Variants in SERBP1 observed in about 807,000 individuals in gnomAD.
SERBP1 encodes SERPINE1 mRNA-binding protein 1.
A neutral mutation model predicts 50.2 loss-of-function variants in SERBP1; 6 were observed. That is an observed-to-expected ratio of 0.12 (90% CI 0.07 to 0.24). The LOEUF (loss-of-function observed/expected upper bound fraction) is 0.24, where lower values mean the gene tolerates loss of function less well. SERBP1 is among the 10% of genes least tolerant of loss of function. The pLI, the probability that SERBP1 is intolerant of heterozygous loss-of-function variation, is 1.00. For synonymous variants in SERBP1, 168 were observed against 182.8 expected, an observed-to-expected ratio of 0.92 and a Z score of 0.65; for missense variants, 346 against 524.9, an observed-to-expected ratio of 0.66 and a Z score of 3.33.
rs1365104058 is a variant in SERBP1, at chr1:67,412,879, C to A, written c.*328G>T. 3 of 293,414 alleles carry A rather than the reference C, an allele frequency of 1.0e-5. No homozygotes were observed. The highest frequency in any genetic ancestry group is 4.5e-5 in the African/African-American group (2 of 44,350). 18.2% of individuals were successfully genotyped at this position (293,414 alleles called of 1,614,324 possible). On this transcript the variant is annotated 3_prime_UTR_variant, in exon 8 of 8. Transcript: ENST00000361219. The stretch of plus-strand genomic sequence containing the variant: ...AGTGAAAGCTTTAAACTGGTACACA[C>A]TGTTCACACCTATATTTCAAGTTTG...
chr1:67,410,320 T>C lies in SERBP1; in HGVS notation c.*2887A>G, dbSNP rs1338413333. 6.6e-6 allele frequency: 1 copy of C among 152,180 alleles called. No individual in the cohort carries two copies. The highest frequency in any genetic ancestry group is 6.6e-5 in the Admixed American group (1 of 15,266). 9.4% of individuals were successfully genotyped at this position (152,180 alleles called of 1,614,324 possible). On this transcript the variant is annotated 3_prime_UTR_variant, in exon 8 of 8. Coordinates refer to ENST00000361219, the MANE Select transcript of SERBP1 (RefSeq NM_001018069.2). ...CTTTGTATGCAACTCCCTGTTCTAT[T>C]TCAGTGCAACCATCTCTGGCAACTA...
intron 7 of SERBP1, among the ~76,000 whole-genome samples, chr1:67,414,934 C>A (rs1277555169): frequency 6.6e-6 from 1 of 152,144 alleles, no homozygotes; most frequent in Non-Finnish European, 1.5e-5. Context: ...TAGCCCAGCA[C>A]CATGACCGGC....
At chr1:67,421,403 TTCA>T (rs1422527508) in intron 5 of SERBP1, among the ~76,000 whole-genome samples, 1 of 152,226 alleles carries the variant, frequency 6.6e-6, no homozygotes, top group Non-Finnish European at 1.5e-5. Flanking sequence ...TATAAGTTAG[TTCA>T]TCAAAGTCAG....
At chr1:67,417,670 A>G (rs1667060335) in intron 6 of SERBP1, among the ~76,000 whole-genome samples, 2 of 151,836 alleles carry the variant, frequency 1.3e-5, no homozygotes. Context: ...ACGCAACCAC[A>G]TCCAGATAAT....
chr1:67,429,799 G>A, intron 1 of SERBP1, 189 bp downstream of exon 1: 2 of 611,118 alleles, frequency 3.3e-6, no homozygotes, highest in South Asian at 2.3e-5. Flanking sequence ...GCCGGCGGTG[G>A]CTTGAACTTG....
intron 6 of SERBP1, among the ~76,000 whole-genome samples, chr1:67,417,985 T>TTG (rs1553133941): frequency 7.0e-6 from 1 of 142,154 alleles, no homozygotes; most frequent in African/African-American, 2.6e-5. Context: ...TTTTTTTTTT[T>TTG]TTTTTTTTTT....
intron 6 of SERBP1, among the ~76,000 whole-genome samples, chr1:67,416,305 G>C (rs1054115212): frequency 6.6e-6 from 1 of 152,214 alleles, no homozygotes; most frequent in Non-Finnish European, 1.5e-5. Flanking sequence ...GAGCCACCAT[G>C]CCCAGCTAGA....
At position 67,426,021 on chromosome 1, in the gene SERBP1, G is replaced by A. The variant is rs1395563577; in HGVS notation, c.464+114C>T. ...GAGCTACTCAAGAGGAGACTGAGAT[G>A]AGAGGATCATTTGAGCCCAGGAAGC... On this transcript the variant is annotated intron_variant, in intron 2 of 7. Coordinates refer to ENST00000361219, the MANE Select transcript of SERBP1 (RefSeq NM_001018069.2). 4 of 859,540 alleles carry A rather than the reference G, an allele frequency of 4.7e-6. No individual in the cohort carries two copies. The African/African-American group carries it at 6.9e-5, about 15-fold the overall frequency. The allele number at this position is 859,540 out of a possible 1,614,324, so 53.2% of individuals were successfully genotyped here.
chr1:67,421,868 G>A (rs560756597), intron 5 of SERBP1, among the ~76,000 whole-genome samples: 3 of 152,198 alleles, frequency 2.0e-5, no homozygotes, highest in South Asian at 4.1e-4. Flanking sequence ...CAGGAGAATC[G>A]CTTGAACTTC....
chr1:67,409,131 T>C lies in SERBP1; in HGVS notation c.*4076A>G, dbSNP rs1183689154. ...CTGTAATCCCAGCTACTCAGGAGGCTGAGGCAGAATTGCTTGAACCCGGGA... is the reference window on the plus strand; with the variant it reads ...CTGTAATCCCAGCTACTCAGGAGGCCGAGGCAGAATTGCTTGAACCCGGGA... On this transcript the variant is annotated 3_prime_UTR_variant, in exon 8 of 8. Transcript: ENST00000361219. 2 of 151,996 alleles carry C rather than the reference T, an allele frequency of 1.3e-5. No individual in the cohort carries two copies. The highest frequency in any genetic ancestry group is 6.6e-5 in the Admixed American group (1 of 15,242). 9.4% of individuals were successfully genotyped at this position (151,996 alleles called of 1,614,324 possible). A position where few individuals can be genotyped will look rare whatever the true frequency, so the allele number is the denominator to read the frequency against.
At chr1:67,415,139 T>G in intron 7 of SERBP1, 27 bp downstream of exon 7, 1 of 1,547,096 alleles carries the variant, frequency 6.5e-7, no homozygotes. Context: ...TTAAATTATG[T>G]AAAAGGAAAA....
In SERBP1 at chr1:67,409,201, C is replaced by G. The variant is rs1037991668; in HGVS notation, c.*4006G>C. 6.6e-6 allele frequency: 1 copy of G among 151,908 alleles called. No individual in the cohort carries two copies. The highest frequency in any genetic ancestry group is 6.6e-5 in the Admixed American group (1 of 15,258). The allele number at this position is 151,908 out of a possible 1,614,324, so 9.4% of individuals were successfully genotyped here. ...TGAGATCATGCCACTGCACTCCAGCCTGGGTGACAGAGCCAGACTGTTTCA... is the reference window on the plus strand; with the variant it reads ...TGAGATCATGCCACTGCACTCCAGCGTGGGTGACAGAGCCAGACTGTTTCA... On this transcript the variant is annotated 3_prime_UTR_variant, in exon 8 of 8. Coordinates refer to ENST00000361219, the MANE Select transcript of SERBP1 (RefSeq NM_001018069.2).
chr1:67,430,370 A>C lies in SERBP1; in HGVS notation c.-70T>G. 1 of 1,441,748 alleles carries C rather than the reference A, an allele frequency of 6.9e-7. No individual in the cohort carries two copies. Among genetic ancestry groups the C allele is most frequent in the Non-Finnish European group, 9.3e-7 (1 of 1,078,236 alleles). The allele number at this position is 1,441,748 out of a possible 1,614,324, so 89.3% of individuals were successfully genotyped here. A position where few individuals can be genotyped will look rare whatever the true frequency, so the allele number is the denominator to read the frequency against. ...GCGCCGAGCCAAGAGCGCCTGCTTC[A>C]GCTCTTCCCACAAGATGGCCGGGCC... On this transcript the variant is annotated 5_prime_UTR_variant, in exon 1 of 8. Coordinates refer to ENST00000361219, the MANE Select transcript of SERBP1 (RefSeq NM_001018069.2).
At chr1:67,427,664 G>A (rs1006406556) in intron 1 of SERBP1, among the ~76,000 whole-genome samples, 6 of 152,214 alleles carry the variant, frequency 3.9e-5, no homozygotes, top group African/African-American at 1.2e-4. Flanking sequence ...TATGGAACCA[G>A]TCCTTGCAAT....
chr1:67,429,845 A>G (rs1314919061), intron 1 of SERBP1, 143 bp downstream of exon 1: 1 of 966,478 alleles, frequency 1.0e-6, no homozygotes. Flanking sequence ...GCAGGACCGG[A>G]CTTTTGTCGC....
intron 1 of SERBP1, among the ~76,000 whole-genome samples, chr1:67,428,735 CAAAAA>C (rs34354137): frequency 2.3e-5 from 2 of 85,756 alleles, no homozygotes; most frequent in Admixed American, 1.2e-4. Context: ...CAAAAGTCCT[CAAAAA>C]AAAAAAAAAA....
chr1:67,430,025 TTTC>T lies in SERBP1; in HGVS notation c.273_275del (p.Lys92del). On this transcript the variant is annotated inframe_deletion, in exon 1 of 8. Transcript: ENST00000361219. ...GCGCCACGGGCGGCTGCGTCTCCTC[TTTC>T]TTGTCAACCACGCCAACGCTGGGGG... 1.2e-6 allele frequency: 2 copies of T among 1,612,730 alleles called. No homozygotes were observed. Among genetic ancestry groups the T allele is most frequent in the Admixed American group, 1.7e-5 (1 of 59,720 alleles).
At position 67,410,866 on chromosome 1, in the gene SERBP1, AT is replaced by A. The variant is rs1402794909; in HGVS notation, c.*2340del. 2.6e-5 allele frequency: 4 copies of A among 152,188 alleles called. No individual in the cohort carries two copies. The highest frequency in any genetic ancestry group is 5.9e-5 in the Non-Finnish European group (4 of 68,008). 9.4% of individuals were successfully genotyped at this position (152,188 alleles called of 1,614,324 possible). A position where few individuals can be genotyped will look rare whatever the true frequency, so the allele number is the denominator to read the frequency against. ...AGAATTCAACTTTCCCAATTAAGTCATTAGTCATTAAGATAAGTACCCTTCC... is the reference window on the plus strand; with the variant it reads ...AGAATTCAACTTTCCCAATTAAGTCATAGTCATTAAGATAAGTACCCTTCC... On this transcript the variant is annotated 3_prime_UTR_variant, in exon 8 of 8. Transcript: ENST00000361219.
chr1:67,427,234 AT>A (rs1001868566), intron 1 of SERBP1, among the ~76,000 whole-genome samples: 1 of 152,230 alleles, frequency 6.6e-6, no homozygotes, highest in Non-Finnish European at 1.5e-5. Flanking sequence ...TAGCTGAAGC[AT>A]TTACTAATTT....
Sources: gnomAD v4.1 joint callset for allele counts (sites outside exome capture counted in the v4.1 genomes callset) on GRCh38, gnomAD v4.1.1 for gene constraint, MANE v1.5 for transcripts, NCBI Gene and HGNC (gene_info 2026-07-23, HGNC 2026-07-21) for gene names.